The following SCAF4 variants were observed in gnomAD, a reference collection of about 807,000 sequenced individuals.
SCAF4 encodes the protein SR-related and CTD-associated factor 4.
A neutral mutation model predicts 129.8 loss-of-function variants in SCAF4; 25 were observed. The observed-to-expected ratio is 0.19, with a 90% confidence interval of 0.14 to 0.27. The LOEUF (loss-of-function observed/expected upper bound fraction) is 0.27, where lower values mean the gene tolerates loss of function less well. Ranked by LOEUF, SCAF4 falls within the 10% of genes least tolerant of loss-of-function variation. SCAF4 has a pLI of 1.00. For synonymous variants in SCAF4, 551 were observed against 497.7 expected, an observed-to-expected ratio of 1.11 and a Z score of -1.43; for missense variants, 1,246 against 1,457.1, an observed-to-expected ratio of 0.86 and a Z score of 2.36.
chr21:31,700,449 T>C (rs1164683917), intron 7 of SCAF4, among the ~76,000 whole-genome samples: 3 of 151,902 alleles, frequency 2.0e-5, no homozygotes, highest in Admixed American at 6.6e-5. Context: ...AATTTGAATG[T>C]CTATTAGTAG....
rs562500639 is a variant in SCAF4 at position 31,694,258 on chromosome 21, T to G, written c.1268A>C (p.Glu423Ala). The G allele has an allele frequency of 6.2e-6, 10 of 1,608,022 alleles. No individual in the cohort carries two copies. The East Asian group carries it at 2.2e-4, about 36-fold the overall frequency. The change falls in exon 11 of 20, where the codon GAG becomes GCG. Residue 423 changes from glutamate to alanine, a missense_variant. This residue lies in a region of SCAF4 where 236 missense variants were observed against 210.0 expected (regional missense o/e 1.12). Coordinates refer to ENST00000286835, the MANE Select transcript of SCAF4 (RefSeq NM_020706.2). ...GTTATCAGACATATGTCGCTTAACC[T>G]CTTGAATACAAGGTTGTTCTACTTC... ...EMEVEQPCIQEVKRHMSDNRK... is the reference protein window; with the variant it reads ...EMEVEQPCIQAVKRHMSDNRK...
At position 31,689,293 on chromosome 21, in the gene SCAF4, C is replaced by T. The variant is rs531129170; in HGVS notation, c.1886-829G>A. Among the ~76,000 whole-genome samples the T allele has an allele frequency of 2.7e-3, 402 of 151,326 alleles. 1 individual carries two copies. The highest frequency in any genetic ancestry group is 9.1e-3 in the African/African-American group (375 of 41,244). ...AAACCGTCACTCCTGCTTGAAGCTT[C>T]CTTTATTTTATTTTAATTTTTTGAG... On this transcript the variant is annotated intron_variant, in intron 15 of 19. Coordinates refer to ENST00000286835, the MANE Select transcript of SCAF4 (RefSeq NM_020706.2).
chr21:31,731,621 C>T (rs944995592), intron 1 of SCAF4, 42 bp downstream of exon 1: 3 of 1,582,892 alleles, frequency 1.9e-6, no homozygotes, highest in Admixed American at 1.7e-5. Flanking sequence ...GCCCCGGCTC[C>T]CGCAGCAGGC....
chr21:31,731,889 G>A lies in SCAF4; in HGVS notation c.-197C>T, dbSNP rs1373983944. ...CGAGGCAGAGGCGGAGAGGTGGCGG[G>A]CCCCCTCTCAGTCCCGTTCGCAGGA... On this transcript the variant is annotated 5_prime_UTR_variant, in exon 1 of 20. Coordinates refer to ENST00000286835, the MANE Select transcript of SCAF4 (RefSeq NM_020706.2). 3.8e-6 allele frequency: 2 copies of A among 531,874 alleles called. No individual in the cohort carries two copies. Among genetic ancestry groups the A allele is most frequent in the East Asian group, 6.9e-5 (2 of 28,780 alleles). 32.9% of individuals were successfully genotyped at this position (531,874 alleles called of 1,614,324 possible). A position where few individuals can be genotyped will look rare whatever the true frequency, so the allele number is the denominator to read the frequency against.
intron 3 of SCAF4, 41 bp downstream of exon 3, chr21:31,705,382 C>A: frequency 1.1e-6 from 1 of 909,852 alleles, no homozygotes; most frequent in Non-Finnish European, 1.7e-6. Flanking sequence ...AATTACAAAT[C>A]ATATTGTAAC....
chr21:31,688,543 T>C (rs1298936039), intron 15 of SCAF4, 79 bp from the exon 16 acceptor site: 2 of 1,244,780 alleles, frequency 1.6e-6, no homozygotes, highest in East Asian at 2.3e-5. Flanking sequence ...AAAATGTTGA[T>C]TATAAAAACC....
intron 1 of SCAF4, among the ~76,000 whole-genome samples, chr21:31,721,867 TG>T (rs2051078308): frequency 6.6e-6 from 1 of 151,922 alleles, no homozygotes; most frequent in South Asian, 2.1e-4. Context: ...ATTACAGGCA[TG>T]AGCCACCACA....
At chr21:31,703,159 C>T (rs2050575354) in intron 4 of SCAF4, among the ~76,000 whole-genome samples, 1 of 151,210 alleles carries the variant, frequency 6.6e-6, no homozygotes, top group Admixed American at 6.6e-5. Context: ...TGGGGAAGAA[C>T]ATCTATTATT....
intron 1 of SCAF4, among the ~76,000 whole-genome samples, chr21:31,723,791 G>A (rs900223041): frequency 5.3e-5 from 8 of 151,930 alleles, no homozygotes; most frequent in East Asian, 3.9e-4. Context: ...ACTGCTCTCC[G>A]GTCTCTTCCA....
chr21:31,696,868 C>A, intron 7 of SCAF4, 118 bp from the exon 8 acceptor site: 1 of 796,454 alleles, frequency 1.3e-6, no homozygotes, highest in South Asian at 1.9e-5. Flanking sequence ...CAAGCACAAT[C>A]TTATTTTCCC....
rs35191665 is a variant in SCAF4 at position 31,717,904 on chromosome 21, TACACACACACACAC to T, written c.31-11561_31-11548del. Among the ~76,000 whole-genome samples the T allele has an allele frequency of 4.7e-3, 552 of 117,968 alleles. 3 individuals carry two copies. The highest frequency in any genetic ancestry group is 7.3e-3 in the South Asian group (26 of 3,574). 77.4% of individuals were successfully genotyped at this position (117,968 alleles called of 152,430 possible). ...ATATATACACATATATACACATATA[TACACACACACACAC>T]ACACACACACACACACACACACACA... On this transcript the variant is annotated intron_variant, in intron 1 of 19. Transcript: ENST00000286835.
intron 1 of SCAF4, among the ~76,000 whole-genome samples, chr21:31,722,154 C>T (rs1027533431): frequency 6.6e-6 from 1 of 152,142 alleles, no homozygotes; most frequent in African/African-American, 2.4e-5. Context: ...CAAATCTGCA[C>T]ATTTTTATTA....
At chr21:31,704,413 C>CA (rs973255027) in intron 3 of SCAF4, among the ~76,000 whole-genome samples, 2 of 151,756 alleles carry the variant, frequency 1.3e-5, no homozygotes, top group African/African-American at 4.8e-5. Context: ...AGCAGAGAAA[C>CA]AGACACCTAT....
intron 2 of SCAF4, 105 bp from the exon 3 acceptor site, chr21:31,705,572 CA>C (rs1219778590): frequency 2.4e-6 from 1 of 422,364 alleles, no homozygotes; most frequent in Non-Finnish European, 4.3e-6. Flanking sequence ...TAAATATTAT[CA>C]ATACTGAATG....
Position 31,695,776 on chromosome 21 carries a change from C to T in SCAF4, c.1068+337G>A, listed in dbSNP as rs1027407245. 5.3e-5 allele frequency among the ~76,000 whole-genome samples: 8 copies of T among 152,266 alleles called. No individual in the cohort carries two copies. In the East Asian group the frequency reaches 1.5e-3, roughly 29 times the overall value. On this transcript the variant is annotated intron_variant, in intron 9 of 19. Transcript: ENST00000286835. ...ATTCCTGAATGTTCAGAGCTCAGAG[C>T]CCTCTAAAGTATCTAACCACACAAA...
Position 31,700,931 on chromosome 21 carries a change from AT to A in SCAF4, c.777+63del, listed in dbSNP as rs776413523. ...AATCCACAGAAGGGATACAGAAGTGATAATTTCCATAACTCAAGTTGAGTGA... is the reference window on the plus strand; with the variant it reads ...AATCCACAGAAGGGATACAGAAGTGAAATTTCCATAACTCAAGTTGAGTGA... On this transcript the variant is annotated intron_variant, in intron 7 of 19. Coordinates refer to ENST00000286835, the MANE Select transcript of SCAF4 (RefSeq NM_020706.2). 2.0e-6 allele frequency: 3 copies of A among 1,512,810 alleles called. No individual in the cohort carries two copies. The African/African-American group carries it at 4.1e-5, about 21-fold the overall frequency. 93.7% of individuals were successfully genotyped at this position (1,512,810 alleles called of 1,614,324 possible). A position where few individuals can be genotyped will look rare whatever the true frequency, so the allele number is the denominator to read the frequency against.
intron 1 of SCAF4, among the ~76,000 whole-genome samples, chr21:31,727,780 T>C (rs1338922758): frequency 6.6e-6 from 1 of 150,856 alleles, no homozygotes; most frequent in East Asian, 2.0e-4. Context: ...ACAGAGCGGG[T>C]CTCCACCTTA....
At position 31,708,290 on chromosome 21, in the gene SCAF4, C is replaced by T. The variant is rs567436210; in HGVS notation, c.31-1933G>A. ...ACTTGGGAGGCTGAGGCAGGAGAAT[C>T]GCTTGAACCCAGGAGGCGGACAGAG... On this transcript the variant is annotated intron_variant, in intron 1 of 19. Transcript: ENST00000286835. Among the ~76,000 whole-genome samples the T allele has an allele frequency of 2.2e-4, 34 of 151,364 alleles. No individual in the cohort carries two copies. In the East Asian group the frequency reaches 6.1e-3, roughly 27 times the overall value.
At chr21:31,703,164 A>C (rs1019303307) in intron 4 of SCAF4, among the ~76,000 whole-genome samples, 3 of 149,748 alleles carry the variant, frequency 2.0e-5, no homozygotes, top group Non-Finnish European at 2.9e-5. Flanking sequence ...AAGAACATCT[A>C]TTATTGGCTC....
Sources: gnomAD v4.1 joint callset for allele counts (sites outside exome capture counted in the v4.1 genomes callset) on GRCh38, gnomAD v4.1.1 for gene constraint, gnomAD v4.1.1 regional missense constraint, MANE v1.5 for transcripts, NCBI Gene and HGNC (gene_info 2026-07-23, HGNC 2026-07-21) for gene names.